RCOR1: variants seen among roughly 807,000 people sequenced by gnomAD.
The protein encoded by RCOR1 is REST corepressor.
Under a neutral mutation model 64.0 loss-of-function variants are expected in RCOR1, and 12 were observed. The ratio of observed to expected loss-of-function variants is 0.19; its 90% CI spans 0.12 to 0.30. The LOEUF (loss-of-function observed/expected upper bound fraction) is 0.30, where lower values mean the gene tolerates loss of function less well. Ranked by LOEUF, RCOR1 falls within the 10% of genes least tolerant of loss-of-function variation. The pLI, the probability that RCOR1 is intolerant of heterozygous loss-of-function variation, is 1.00. For synonymous variants in RCOR1, 279 were observed against 227.2 expected, an observed-to-expected ratio of 1.23 and a Z score of -2.05; for missense variants, 502 against 621.2, an observed-to-expected ratio of 0.81 and a Z score of 2.04.
intron 7 of RCOR1, 101 bp from the exon 8 acceptor site, chr14:102,714,322 G>T: frequency 1.4e-6 from 1 of 719,560 alleles, no homozygotes; most frequent in Non-Finnish European, 2.2e-6. Context: ...CATGGTATTT[G>T]TCTTAGATTG....
At chr14:102,622,833 A>G (rs1893902650) in intron 2 of RCOR1, among the ~76,000 whole-genome samples, 1 of 152,114 alleles carries the variant, frequency 6.6e-6, no homozygotes, top group South Asian at 2.1e-4. Context: ...ACACCTCTGA[A>G]TGTGATGTCA....
chr14:102,612,453 C>G (rs75502059), intron 2 of RCOR1, among the ~76,000 whole-genome samples: 4,332 of 152,162 alleles, frequency 0.028, 210 homozygotes, highest in African/African-American at 0.1. Flanking sequence ...CCCGCCTCAG[C>G]CTCCCAAAGT....
intron 2 of RCOR1, among the ~76,000 whole-genome samples, chr14:102,634,644 A>G (rs1354115612): frequency 7.0e-6 from 1 of 143,146 alleles, no homozygotes; most frequent in Non-Finnish European, 1.5e-5. Flanking sequence ...GTGTATATAT[A>G]TATATATGTA....
chr14:102,724,041 C>G (rs1034236385), intron 11 of RCOR1, among the ~76,000 whole-genome samples: 2 of 151,484 alleles, frequency 1.3e-5, no homozygotes, highest in Non-Finnish European at 2.9e-5. Context: ...TTTTTTTTAA[C>G]CTTGTTATTA....
At chr14:102,608,784 C>CT (rs907047397) in intron 2 of RCOR1, among the ~76,000 whole-genome samples, 4 of 151,292 alleles carry the variant, frequency 2.6e-5, no homozygotes, top group East Asian at 3.9e-4. Flanking sequence ...AGGCTGGTCT[C>CT]TAACTCCTGA....
intron 2 of RCOR1, among the ~76,000 whole-genome samples, chr14:102,619,066 C>G (rs936893793): frequency 2.0e-5 from 3 of 152,162 alleles, no homozygotes; most frequent in Non-Finnish European, 4.4e-5. Context: ...GGCATGGACC[C>G]TATCACAAGC....
intron 2 of RCOR1, among the ~76,000 whole-genome samples, chr14:102,616,303 C>T (rs575440354): frequency 1.7e-4 from 26 of 151,578 alleles, no homozygotes; most frequent in Admixed American, 1.5e-3. Context: ...GGGTCTTTCC[C>T]CAGTTGCCAA....
At chr14:102,693,242 T>C (rs1455950147) in intron 3 of RCOR1, among the ~76,000 whole-genome samples, 1 of 152,166 alleles carries the variant, frequency 6.6e-6, no homozygotes, top group Non-Finnish European at 1.5e-5. Context: ...CTTACGACAA[T>C]TGGAATTCAT....
chr14:102,605,819 A>G (rs981490395), intron 2 of RCOR1, among the ~76,000 whole-genome samples: 8 of 152,128 alleles, frequency 5.3e-5, no homozygotes, highest in Non-Finnish European at 1.2e-4. Context: ...CATGGGTCTT[A>G]TTGCCTCTGA....
rs1895900512 is a variant in RCOR1, at chr14:102,708,536, T to C, written c.732T>C (p.Ser244=). ...GGAAGAAGACGAGGACTAAAACTAG[T>C]GTGATGGATCGCCATGCCCGGAAAC... is the stretch of plus-strand genomic sequence containing the variant. ...YSWKKTRTKT[S]VMDRHARKQK... Residue 244 remains serine (S), a synonymous_variant, in exon 6 of 12, where the codon AGT becomes AGC. Coordinates refer to ENST00000262241, the MANE Select transcript of RCOR1 (RefSeq NM_015156.4). The C allele has an allele frequency of 3.7e-6, 6 of 1,612,772 alleles. No homozygotes were observed. The highest frequency in any genetic ancestry group is 5.1e-6 in the Non-Finnish European group (6 of 1,179,068).
At chr14:102,600,173 G>A (rs1187196187) in intron 2 of RCOR1, among the ~76,000 whole-genome samples, 7 of 152,010 alleles carry the variant, frequency 4.6e-5, no homozygotes, top group African/African-American at 1.4e-4. Flanking sequence ...TACAAGCTCC[G>A]CCTCCCGGGT....
chr14:102,720,272 G>A (rs547627256), intron 8 of RCOR1, among the ~76,000 whole-genome samples: 6 of 152,232 alleles, frequency 3.9e-5, no homozygotes, highest in African/African-American at 1.2e-4. Context: ...GCATACTTCC[G>A]TGACCTGTCT....
chr14:102,628,358 A>C (rs1366444456), intron 2 of RCOR1, among the ~76,000 whole-genome samples: 1 of 152,208 alleles, frequency 6.6e-6, no homozygotes, highest in Non-Finnish European at 1.5e-5. Context: ...ATTAACCATT[A>C]CAGAACCTTT....
chr14:102,643,365 A>G, intron 2 of RCOR1: 1 of 955,776 alleles, frequency 1.0e-6, no homozygotes, highest in Non-Finnish European at 1.2e-6. Flanking sequence ...AGGTAAAAAC[A>G]TTGAGATTTG....
intron 2 of RCOR1, among the ~76,000 whole-genome samples, chr14:102,651,588 A>G (rs1223169789): frequency 6.6e-6 from 1 of 152,022 alleles, no homozygotes; most frequent in Non-Finnish European, 1.5e-5. Flanking sequence ...GAATTTGAAA[A>G]TAGCTTGAGA....
chr14:102,592,956 TCCGCCTCCGCCG>T lies in RCOR1; in HGVS notation c.76_87del (p.Ser26_Ala29del). ...GAGAGGGAGGAACAACGCGGCCGCC[TCCGCCTCCGCCG>T]CCGCCGCCTCCGCCGCCGCCTCGGC... On this transcript the variant is annotated inframe_deletion, in exon 1 of 12. Transcript: ENST00000262241. The T allele has an allele frequency of 8.5e-7, 1 of 1,174,302 alleles. No homozygotes were observed. The highest frequency in any genetic ancestry group is 1.1e-6 in the Non-Finnish European group (1 of 946,484). The allele number at this position is 1,174,302 out of a possible 1,614,324, so 72.7% of individuals were successfully genotyped here.
chr14:102,687,080 G>A lies in RCOR1; in HGVS notation c.445+5102G>A, dbSNP rs79281068. On this transcript the variant is annotated intron_variant, in intron 3 of 11. Coordinates refer to ENST00000262241, the MANE Select transcript of RCOR1 (RefSeq NM_015156.4). The stretch of plus-strand genomic sequence containing the variant: ...AAAAGTATCTCAATTCAGATTATAC[G>A]GAATTCGTGTTTATCTACTGAGTTT... 5.2e-3 allele frequency among the ~76,000 whole-genome samples: 786 copies of A among 152,256 alleles called. 6 individuals are homozygous for A. The highest frequency in any genetic ancestry group is 8.2e-3 in the Non-Finnish European group (561 of 68,028).
At chr14:102,673,749 G>A (rs1189932083) in intron 2 of RCOR1, among the ~76,000 whole-genome samples, 1 of 152,088 alleles carries the variant, frequency 6.6e-6, no homozygotes, top group Non-Finnish European at 1.5e-5. Flanking sequence ...CCAAGTAGCT[G>A]GGATTACAGG....
chr14:102,711,578 G>A (rs1017198869), intron 7 of RCOR1, among the ~76,000 whole-genome samples: 2 of 152,090 alleles, frequency 1.3e-5, no homozygotes, highest in African/African-American at 2.4e-5. Context: ...CAGGGGGCTC[G>A]TGAACCTCTA....
Sources: gnomAD v4.1 joint callset for allele counts (sites outside exome capture counted in the v4.1 genomes callset) on GRCh38, gnomAD v4.1.1 for gene constraint, MANE v1.5 for transcripts, NCBI Gene and HGNC (gene_info 2026-07-23, HGNC 2026-07-21) for gene names.